Variants in EIF3B observed in about 807,000 individuals in gnomAD.
EIF3B encodes the protein eukaryotic translation initiation factor 3 subunit 9.
In EIF3B, 10 loss-of-function variants were observed where a neutral mutation model predicts 104.6. The observed-to-expected ratio is 0.10, with a 90% CI of 0.06 to 0.16. The LOEUF (loss-of-function observed/expected upper bound fraction) is 0.16, where lower values mean the gene tolerates loss of function less well. Ranked by LOEUF, EIF3B falls within the 10% of genes least tolerant of loss-of-function variation. The probability of loss-of-function intolerance (pLI) is 1.00; values close to 1 mark genes in which losing one functional copy is unlikely to be tolerated. For missense variants in EIF3B, 1,014 were observed against 1,087.9 expected (o/e 0.93, Z 0.96); for synonymous variants, 542 against 417.2 (o/e 1.30, Z -3.65).
intron 9 of EIF3B, 84 bp downstream of exon 9, chr7:2,367,129 A>G (rs1259480483): frequency 3.7e-5 from 47 of 1,275,540 alleles, no homozygotes; most frequent in Non-Finnish European, 4.7e-5. Flanking sequence ...ACACAATACC[A>G]TAGGCTGGGT....
upstream of EIF3B, among the ~76,000 whole-genome samples, chr7:2,354,472 A>ACATTTTCCT: frequency 6.6e-6 from 1 of 152,112 alleles, no homozygotes; most frequent in South Asian, 2.1e-4. Context: ...GAGTTAGAGG[A>ACATTTTCCT]CATTTTCCTA....
At chr7:2,367,361 C>T (rs1476432364) in intron 9 of EIF3B, among the ~76,000 whole-genome samples, 3 of 151,866 alleles carry the variant, frequency 2.0e-5, no homozygotes, top group Admixed American at 6.6e-5. Flanking sequence ...AAAGGCCCCA[C>T]CCCATGCCGT....
chr7:2,375,624 G>A (rs1780588681), intron 14 of EIF3B, 97 bp downstream of exon 14: 2 of 1,546,906 alleles, frequency 1.3e-6, no homozygotes, highest in Non-Finnish European at 1.8e-6. Flanking sequence ...CAGGGAAGGG[G>A]CACCAAGCCT....
At chr7:2,364,619 C>G (rs1433198498) in intron 6 of EIF3B, 90 bp downstream of exon 6, 9 of 1,271,814 alleles carry the variant, frequency 7.1e-6, no homozygotes, top group Non-Finnish European at 1.0e-5. Context: ...GCATTTCAAA[C>G]TTAGTAGAAA....
chr7:2,377,343 C>T (rs12535425), intron 15 of EIF3B, among the ~76,000 whole-genome samples: 11 of 152,356 alleles, frequency 7.2e-5, no homozygotes, highest in Admixed American at 7.2e-4. Flanking sequence ...TTAAAAAGTC[C>T]TGCTGGGATT....
chr7:2,369,089 T>G (rs776267009), intron 9 of EIF3B, among the ~76,000 whole-genome samples: 10 of 152,230 alleles, frequency 6.6e-5, no homozygotes, highest in Non-Finnish European at 1.0e-4. Context: ...ATTTGCACCT[T>G]AATTAATCTT....
At chr7:2,376,856 C>T (rs1780658030) in intron 14 of EIF3B, 94 bp from the exon 15 acceptor site, 26 of 1,523,218 alleles carry the variant, frequency 1.7e-5, no homozygotes, top group Non-Finnish European at 2.1e-5. Context: ...TCACACGTGT[C>T]CCCGATACCC....
chr7:2,357,988 T>C (rs1313635621), intron 1 of EIF3B, among the ~76,000 whole-genome samples: 1 of 146,542 alleles, frequency 6.8e-6, no homozygotes, highest in Non-Finnish European at 1.5e-5. Context: ...TGTCCGGCAC[T>C]GCAGTGACTG....
At chr7:2,365,881 G>A (rs1029572180) in intron 6 of EIF3B, among the ~76,000 whole-genome samples, 5 of 151,862 alleles carry the variant, frequency 3.3e-5, no homozygotes, top group African/African-American at 7.3e-5. Context: ...TCACCATGTC[G>A]GCCATGGTTG....
intron 11 of EIF3B, 152 bp downstream of exon 11, chr7:2,372,001 T>G (rs1279428130): frequency 1.5e-6 from 1 of 659,818 alleles, no homozygotes; most frequent in Non-Finnish European, 2.7e-6. Context: ...ACAGAACGTG[T>G]TTAGAGCCTG....
chr7:2,366,961 G>T (rs1403140503), intron 8 of EIF3B, 38 bp from the exon 9 acceptor site: 1 of 1,599,352 alleles, frequency 6.3e-7, no homozygotes, highest in Non-Finnish European at 8.5e-7. Context: ...ACACTGACAT[G>T]ATTTGACTCA....
In EIF3B at chr7:2,375,545, A is replaced by T; in HGVS notation, c.2028+18A>T. The T allele has an allele frequency of 6.2e-7, 1 of 1,614,040 alleles. No individual in the cohort carries two copies. Among genetic ancestry groups the T allele is most frequent in the African/African-American group, 1.3e-5 (1 of 75,060 alleles). ...GCCATAAGGTGCAGGCCTGTGGGGC[A>T]TAGTTTTGACTGTGGATAGAAGCAG... On this transcript the variant is annotated intron_variant, in intron 14 of 18. Transcript: ENST00000360876.
chr7:2,372,905 G>A (rs574873135), intron 12 of EIF3B, 110 bp downstream of exon 12: 7 of 1,257,440 alleles, frequency 5.6e-6, no homozygotes, highest in Admixed American at 5.0e-5. Context: ...TGGGCAGGCC[G>A]GGACTCGCCT....
chr7:2,374,629 T>A, intron 13 of EIF3B, 23 bp downstream of exon 13: 1 of 1,609,364 alleles, frequency 6.2e-7, no homozygotes, highest in Non-Finnish European at 8.5e-7. Flanking sequence ...GCTCTGAGCC[T>A]GTCCGCCCTG....
Position 2,380,647 on chromosome 7 carries a change from C to G in EIF3B, c.*458C>G, listed in dbSNP as rs978241540. 3.9e-5 allele frequency: 9 copies of G among 228,684 alleles called. No individual in the cohort carries two copies. Among genetic ancestry groups the G allele is most frequent in the Non-Finnish European group, 7.2e-5 (8 of 110,540 alleles). The allele number at this position is 228,684 out of a possible 1,614,324, so 14.2% of individuals were successfully genotyped here. ...TGCTGGACGTGTCCCGGAGACCCACCGGGAGGGCGCCGCCATGCCTTGTAC... is the reference window on the plus strand; with the variant it reads ...TGCTGGACGTGTCCCGGAGACCCACGGGGAGGGCGCCGCCATGCCTTGTAC... On this transcript the variant is annotated 3_prime_UTR_variant, in exon 19 of 19. Transcript: ENST00000360876.
rs771689313 is a variant in EIF3B, at chr7:2,363,665, T to C, written c.904T>C (p.Cys302Arg). ...ACGTTACTGGCTTGAAGAGGCAGAA[T>C]GCAGAGATCAGTACAGTGTGATTTT... ...NLRYWLEEAE[C>R]RDQYSVIFES... Residue 302 changes from cysteine (C) to arginine (R), a missense_variant, in exon 5 of 19, where the codon TGC (cysteine) becomes CGC (arginine). By Grantham distance (180) the Cys-to-Arg change is radical (BLOSUM62 -3). Coordinates refer to ENST00000360876, the MANE Select transcript of EIF3B (RefSeq NM_001037283.2). 2 of 1,612,706 alleles carry C rather than the reference T, an allele frequency of 1.2e-6. No homozygotes were observed. Among genetic ancestry groups the C allele is most frequent in the African/African-American group, 2.7e-5 (2 of 74,882 alleles).
At chr7:2,362,968 G>T in intron 3 of EIF3B, 102 bp from the exon 4 acceptor site, 1 of 1,486,764 alleles carries the variant, frequency 6.7e-7, no homozygotes. Context: ...ACAGCCCTGG[G>T]GGCGGGCAGG....
chr7:2,362,950 T>C (rs1422183313), intron 3 of EIF3B, 120 bp from the exon 4 acceptor site: 24 of 1,446,904 alleles, frequency 1.7e-5, no homozygotes, highest in South Asian at 2.3e-5. Flanking sequence ...CTCCCTGTTA[T>C]GCCAGTCACA....
chr7:2,373,843 C>T (rs928264592), intron 12 of EIF3B: 6 of 152,210 alleles, frequency 3.9e-5, no homozygotes, highest in East Asian at 1.9e-4. Flanking sequence ...TTGGGGTTTT[C>T]GCTTGTGCAA....
Sources: gnomAD v4.1 joint callset for allele counts (sites outside exome capture counted in the v4.1 genomes callset) on GRCh38, gnomAD v4.1.1 for gene constraint, MANE v1.5 for transcripts, NCBI Gene and HGNC (gene_info 2026-07-23, HGNC 2026-07-21) for gene names.